Variants in RBM20 observed in about 807,000 individuals in gnomAD.
RBM20 encodes RNA-binding protein 20.
Under a neutral mutation model 110.1 loss-of-function variants are expected in RBM20, and 51 were observed. The observed-to-expected ratio is 0.46, with a 90% CI of 0.37 to 0.59. The LOEUF is 0.59. Among genes scored for constraint, RBM20 ranks in the 20% least tolerant of loss-of-function variants. The probability of loss-of-function intolerance (pLI) is 0.00; values close to 1 mark genes in which losing one functional copy is unlikely to be tolerated. For missense variants in RBM20, 1,512 were observed against 1,574.9 expected (o/e 0.96, Z 0.68); for synonymous variants, 589 against 618.2 (o/e 0.95, Z 0.70).
chr10:110,730,920 C>A (rs775509298), intron 1 of RBM20, among the ~76,000 whole-genome samples: 2 of 152,226 alleles, frequency 1.3e-5, no homozygotes, highest in Non-Finnish European at 2.9e-5. Flanking sequence ...AGCCGCCCCC[C>A]ATCCTGCTTA....
At chr10:110,701,356 G>A (rs569669969) in intron 1 of RBM20, among the ~76,000 whole-genome samples, 1 of 152,170 alleles carries the variant, frequency 6.6e-6, no homozygotes, top group East Asian at 1.9e-4. Flanking sequence ...CCTGTCTTTA[G>A]AAACCCATAA....
intron 9 of RBM20, among the ~76,000 whole-genome samples, chr10:110,817,860 G>C (rs1844859428): frequency 1.3e-5 from 2 of 152,228 alleles, no homozygotes; most frequent in Non-Finnish European, 2.9e-5. Flanking sequence ...GCTGGCATTA[G>C]AGTAACAGGA....
Position 110,750,092 on chromosome 10 carries a change from G to C in RBM20, c.192-30709G>C, listed in dbSNP as rs79163550. On this transcript the variant is annotated intron_variant, in intron 1 of 13. Coordinates refer to ENST00000369519, the MANE Select transcript of RBM20 (RefSeq NM_001134363.3). ...TGCCTCTGGACACAGAGTGAGGGGA[G>C]AGAATGGGACAGGGGACATCAGCTT... 1.3e-3 allele frequency among the ~76,000 whole-genome samples: 205 copies of C among 152,332 alleles called. 2 individuals carry two copies. The East Asian group carries it at 0.023, about 17-fold the overall frequency.
chr10:110,779,754 C>A (rs1457737621), intron 1 of RBM20, among the ~76,000 whole-genome samples: 1 of 152,174 alleles, frequency 6.6e-6, no homozygotes, highest in Non-Finnish European at 1.5e-5. Flanking sequence ...AAACCTCCCA[C>A]ACATCTAGTG....
intron 1 of RBM20, among the ~76,000 whole-genome samples, chr10:110,702,979 G>GTTTTTTTTTTTTGTTTTTTTTTTTT (rs576648088): frequency 7.0e-6 from 1 of 142,352 alleles, no homozygotes; most frequent in South Asian, 2.3e-4. Flanking sequence ...TTTGGGGTGG[G>GTTTTTTTTTTTTGTTTTTTTTTTTT]TTTTTTTTCT....
chr10:110,817,545 T>C (rs540634722), intron 9 of RBM20, among the ~76,000 whole-genome samples: 5 of 152,350 alleles, frequency 3.3e-5, no homozygotes, highest in Non-Finnish European at 5.9e-5. Flanking sequence ...ATTGGGACTA[T>C]AGTTAGTGAC....
chr10:110,729,684 C>A (rs1039511116), intron 1 of RBM20, among the ~76,000 whole-genome samples: 1 of 152,158 alleles, frequency 6.6e-6, no homozygotes, highest in Admixed American at 6.5e-5. Context: ...GAACACTGGC[C>A]CTTGTACCCT....
At chr10:110,726,897 A>G (rs1474844604) in intron 1 of RBM20, among the ~76,000 whole-genome samples, 4 of 152,134 alleles carry the variant, frequency 2.6e-5, no homozygotes. Flanking sequence ...CCCAGGCTGG[A>G]GTGCAATGGT....
intron 1 of RBM20, among the ~76,000 whole-genome samples, chr10:110,675,293 G>A (rs1862323327): frequency 6.6e-6 from 1 of 152,168 alleles, no homozygotes; most frequent in African/African-American, 2.4e-5. Context: ...AAAAAAATAG[G>A]TAGGATGATG....
intron 7 of RBM20, among the ~76,000 whole-genome samples, chr10:110,804,626 A>T (rs778308308): frequency 7.2e-5 from 11 of 152,226 alleles, no homozygotes; most frequent in Non-Finnish European, 1.6e-4. Context: ...CACATGATAG[A>T]TGTTTAATAA....
At position 110,665,041 on chromosome 10, in the gene RBM20, AC is replaced by A. The variant is rs1862156969; in HGVS notation, c.191+20397del. ...CAGGCACATGTCACCATGCCTGGCTACTTTTTTTTTTCTTTTGTAGAGATAG... is the reference window on the plus strand; with the variant it reads ...CAGGCACATGTCACCATGCCTGGCTATTTTTTTTTTCTTTTGTAGAGATAG... On this transcript the variant is annotated intron_variant, in intron 1 of 13. Coordinates refer to ENST00000369519, the MANE Select transcript of RBM20 (RefSeq NM_001134363.3). 2.0e-5 allele frequency among the ~76,000 whole-genome samples: 3 copies of A among 150,276 alleles called. No individual in the cohort carries two copies. In the East Asian group the frequency reaches 5.9e-4, roughly 30 times the overall value.
chr10:110,678,063 A>G (rs1862365430), intron 1 of RBM20, among the ~76,000 whole-genome samples: 1 of 152,246 alleles, frequency 6.6e-6, no homozygotes, highest in Non-Finnish European at 1.5e-5. Flanking sequence ...TCTAGTGAGG[A>G]AAACTAACAT....
intron 1 of RBM20, among the ~76,000 whole-genome samples, chr10:110,724,348 C>G (rs1390923058): frequency 6.6e-6 from 1 of 152,230 alleles, no homozygotes; most frequent in Admixed American, 6.5e-5. Flanking sequence ...GTTGAAATTG[C>G]TCCAAGCTGG....
In RBM20 at chr10:110,667,531, G is replaced by A. The variant is rs539135518; in HGVS notation, c.191+22886G>A. Among the ~76,000 whole-genome samples, 11 of 152,286 alleles carry A rather than the reference G, an allele frequency of 7.2e-5. No individual in the cohort carries two copies. In the East Asian group the frequency reaches 1.9e-3, roughly 27 times the overall value. ...ATGACTAGAAGCCAGCTTGAACTTTGCCAGCTTTGAGATTGGAAGGAAAAG... is the reference window on the plus strand; with the variant it reads ...ATGACTAGAAGCCAGCTTGAACTTTACCAGCTTTGAGATTGGAAGGAAAAG... On this transcript the variant is annotated intron_variant, in intron 1 of 13. Coordinates refer to ENST00000369519, the MANE Select transcript of RBM20 (RefSeq NM_001134363.3).
chr10:110,777,710 C>T (rs935383437), intron 1 of RBM20, among the ~76,000 whole-genome samples: 1 of 152,220 alleles, frequency 6.6e-6, no homozygotes, highest in Non-Finnish European at 1.5e-5. Context: ...TTGGAAAGCC[C>T]TTCCTCACGT....
chr10:110,669,616 C>G (rs1418425402), intron 1 of RBM20, among the ~76,000 whole-genome samples: 3 of 152,238 alleles, frequency 2.0e-5, no homozygotes, highest in Non-Finnish European at 4.4e-5. Flanking sequence ...GAGATACGGT[C>G]TTGCTGTGTT....
At chr10:110,787,825 G>A (rs1844438477) in intron 5 of RBM20, among the ~76,000 whole-genome samples, 2 of 151,780 alleles carry the variant, frequency 1.3e-5, no homozygotes, top group South Asian at 4.2e-4. Flanking sequence ...GAGCTAGGAG[G>A]GGACAGAGAG....
rs186616465 is a variant in RBM20, at chr10:110,826,124, T to C, written c.3451+2510T>C. ...TAAATTGCACTCCAAAAAGATGGTA[T>C]CAGTTTTCCCTGCGACCTTGAGTGA... On this transcript the variant is annotated intron_variant, in intron 12 of 13. Coordinates refer to ENST00000369519, the MANE Select transcript of RBM20 (RefSeq NM_001134363.3). Among the ~76,000 whole-genome samples the C allele has an allele frequency of 2.6e-5, 4 of 152,350 alleles. No individual in the cohort carries two copies. In the East Asian group the frequency reaches 5.8e-4, roughly 22 times the overall value.
rs1377889874 is a variant in RBM20 at position 110,780,947 on chromosome 10, A to C, written c.338A>C (p.Asn113Thr). ...CTGGCACAGACAGCTGTCACCAACA[A>C]CACTGCAGCCGCCACAGTCCTGAAC... ...LKLAQTAVTNNTAAATVLNQV... is the reference protein window; with the variant it reads ...LKLAQTAVTNTTAAATVLNQV... The change falls in exon 2 of 14, where the codon AAC becomes ACC. Residue 113 changes from asparagine to threonine, a missense_variant. Asn to Thr is a moderately conservative substitution (Grantham distance 65). This residue lies in a region of RBM20 where 1,149 missense variants were observed against 1,169.4 expected (regional missense o/e 0.98). Transcript: ENST00000369519. The C allele has an allele frequency of 3.2e-6, 5 of 1,551,260 alleles. No individual in the cohort carries two copies. Among genetic ancestry groups the C allele is most frequent in the Non-Finnish European group, 4.4e-6 (5 of 1,146,914 alleles).
Sources: allele counts gnomAD v4.1 joint callset (sites outside exome capture counted in the v4.1 genomes callset), GRCh38; gene constraint gnomAD v4.1.1; regional missense constraint gnomAD v4.1.1; transcripts MANE v1.5; gene names NCBI Gene and HGNC (gene_info 2026-07-23, HGNC 2026-07-21).